Variants in LRRK2 observed in about 807,000 individuals in gnomAD.
LRRK2 encodes the protein leucine-rich repeat serine/threonine-protein kinase 2.
LRRK2 carries 203 observed loss-of-function variants against 302.6 expected under a neutral mutation model. That is an observed-to-expected ratio of 0.67 (90% CI 0.60 to 0.75). The LOEUF (loss-of-function observed/expected upper bound fraction) is 0.75. LRRK2 is among the 30% of genes least tolerant of loss of function. The pLI is 0.00. For missense variants in LRRK2, 2,830 were observed against 2,951.0 expected, an observed-to-expected ratio of 0.96 and a Z score of 0.95; for synonymous variants, 1,066 against 1,031.9, an observed-to-expected ratio of 1.03 and a Z score of -0.63.
chr12:40,357,142 A>T (rs144189995), intron 46 of LRRK2, among the ~76,000 whole-genome samples: 276 of 152,192 alleles, frequency 1.8e-3, no homozygotes, highest in African/African-American at 6.4e-3. Flanking sequence ...CTCTACCTCC[A>T]TGAGATCAAC....
intron 39 of LRRK2, among the ~76,000 whole-genome samples, chr12:40,332,126 A>G (rs10878386): frequency 0.067 from 10,151 of 152,280 alleles, 443 homozygotes; most frequent in Admixed American, 0.13. Flanking sequence ...CTTTGTGCTA[A>G]TTGGCTTTAG....
chr12:40,300,980 T>C, intron 25 of LRRK2: 1 of 469,992 alleles, frequency 2.1e-6, no homozygotes. Context: ...CTCACAATGA[T>C]CCTAATGGTC....
At chr12:40,324,705 G>C (rs1945495769) in intron 38 of LRRK2, among the ~76,000 whole-genome samples, 2 of 152,190 alleles carry the variant, frequency 1.3e-5, no homozygotes, top group South Asian at 4.1e-4. Flanking sequence ...CCTCTTATTG[G>C]CATTGATTGG....
Position 40,299,267 on chromosome 12 carries a change from C to A in LRRK2, c.3496+10C>A. The A allele has an allele frequency of 6.2e-7, 1 of 1,612,690 alleles. No homozygotes were observed. Among genetic ancestry groups the A allele is most frequent in the South Asian group, 1.1e-5 (1 of 91,040 alleles). On this transcript the variant is annotated intron_variant, in intron 25 of 50. Coordinates refer to ENST00000298910, the MANE Select transcript of LRRK2 (RefSeq NM_198578.4). Reference sequence around the variant, plus strand: ...AGAATGAATTTTCTTGGTAAGTGTTCTGTGTGGGTCTCCTCCTTACCAGGC... The same window carrying A: ...AGAATGAATTTTCTTGGTAAGTGTTATGTGTGGGTCTCCTCCTTACCAGGC...
intron 34 of LRRK2, 52 bp from the exon 35 acceptor site, chr12:40,320,982 A>G: frequency 3.4e-5 from 54 of 1,595,430 alleles, no homozygotes; most frequent in Non-Finnish European, 4.1e-5. Flanking sequence ...TTTGCTCAAC[A>G]AGGTTGGGTG....
At chr12:40,249,407 G>A (rs1467529123) in intron 7 of LRRK2, among the ~76,000 whole-genome samples, 2 of 151,354 alleles carry the variant, frequency 1.3e-5, no homozygotes, top group East Asian at 1.9e-4. Flanking sequence ...TCCTTTAAGT[G>A]AAAGAAGAGT....
intron 38 of LRRK2, among the ~76,000 whole-genome samples, chr12:40,324,973 T>C (rs17444068): frequency 0.014 from 2,118 of 152,302 alleles, 37 homozygotes; most frequent in Non-Finnish European, 0.02. Flanking sequence ...GAGTAGTGTA[T>C]GTGGAAACGT....
At position 40,243,620 on chromosome 12, in the gene LRRK2, A is replaced by G. The variant is rs369240709; in HGVS notation, c.777A>G (p.Ala259=). 13 of 1,612,090 alleles carry G rather than the reference A, an allele frequency of 8.1e-6. No individual in the cohort carries two copies. Among genetic ancestry groups the G allele is most frequent in the Non-Finnish European group, 1.1e-5 (13 of 1,178,722 alleles). The change falls in exon 7 of 51, where the codon GCA becomes GCG. Residue 259 remains alanine, a synonymous_variant. Coordinates refer to ENST00000298910, the MANE Select transcript of LRRK2 (RefSeq NM_198578.4). ...ATATTGTGGTGGAAGCTATGAAAGCATTCCCTATGAGTGAAAGAATTCAAG... is the reference window on the plus strand; with the variant it reads ...ATATTGTGGTGGAAGCTATGAAAGCGTTCCCTATGAGTGAAAGAATTCAAG... ...CYNIVVEAMK[A]FPMSERIQEV... is the part of the protein sequence containing the mutation.
chr12:40,271,965 C>A (rs1363476352), intron 14 of LRRK2, among the ~76,000 whole-genome samples: 1 of 151,976 alleles, frequency 6.6e-6, no homozygotes, highest in African/African-American at 2.4e-5. Flanking sequence ...ATATTGAGGA[C>A]AGAGATAGGT....
At chr12:40,346,391 AG>A (rs1350361735) in intron 41 of LRRK2, among the ~76,000 whole-genome samples, 1 of 152,194 alleles carries the variant, frequency 6.6e-6, no homozygotes, top group Non-Finnish European at 1.5e-5. Flanking sequence ...ATTAGGAACG[AG>A]AAAAATGGTA....
intron 44 of LRRK2, among the ~76,000 whole-genome samples, chr12:40,352,488 A>T (rs1343336355): frequency 4.6e-3 from 90 of 19,758 alleles, no homozygotes; most frequent in Non-Finnish European, 8.9e-3. Flanking sequence ...TTAATTGATC[A>T]TTCTTGGGTG....
chr12:40,225,664 A>T, intron 2 of LRRK2, 24 bp downstream of exon 2: 1 of 1,579,900 alleles, frequency 6.3e-7, no homozygotes, highest in Non-Finnish European at 8.7e-7. Context: ...TTTCACTTCA[A>T]CTCATTCTCC....
At chr12:40,255,731 A>T (rs1479740009) in intron 11 of LRRK2, among the ~76,000 whole-genome samples, 1 of 152,164 alleles carries the variant, frequency 6.6e-6, no homozygotes, top group Non-Finnish European at 1.5e-5. Context: ...AGAACCACTA[A>T]CCCAGTGTCA....
intron 7 of LRRK2, 64 bp downstream of exon 7, chr12:40,243,745 A>T (rs1334823057): frequency 1.4e-6 from 2 of 1,436,802 alleles, no homozygotes; most frequent in East Asian, 4.7e-5. Context: ...TAAAACATAT[A>T]TATGTTGCAT....
chr12:40,335,291 T>C (rs1166743671), intron 40 of LRRK2, 134 bp downstream of exon 40: 1 of 996,734 alleles, frequency 1.0e-6, no homozygotes, highest in East Asian at 2.6e-5. Context: ...AAAACTACCA[T>C]TTCCCTGATC....
chr12:40,264,687 T>A (rs960543762), intron 14 of LRRK2, among the ~76,000 whole-genome samples: 1 of 152,188 alleles, frequency 6.6e-6, no homozygotes, highest in Non-Finnish European at 1.5e-5. Context: ...CTCCTTTTCA[T>A]TGTTCTCCGG....
At chr12:40,329,255 C>T (rs17491375) in intron 39 of LRRK2, among the ~76,000 whole-genome samples, 1,750 of 152,258 alleles carry the variant, frequency 0.011, 39 homozygotes, top group African/African-American at 0.04. Context: ...CATTAATTTT[C>T]CTGATATAGT....
chr12:40,305,336 A>G (rs1290447469), intron 27 of LRRK2, among the ~76,000 whole-genome samples: 1 of 152,146 alleles, frequency 6.6e-6, no homozygotes, highest in Admixed American at 6.6e-5. Flanking sequence ...TACTCCAATT[A>G]GGATGCCACC....
chr12:40,319,618 G>A (rs1430326078), intron 33 of LRRK2, among the ~76,000 whole-genome samples: 1 of 152,036 alleles, frequency 6.6e-6, no homozygotes, highest in Admixed American at 6.6e-5. Flanking sequence ...AACCTGTATT[G>A]ATAACTGTCT....
Sources: gnomAD v4.1 joint callset for allele counts (sites outside exome capture counted in the v4.1 genomes callset) on GRCh38, gnomAD v4.1.1 for gene constraint, MANE v1.5 for transcripts, NCBI Gene and HGNC (gene_info 2026-07-23, HGNC 2026-07-21) for gene names.